The following BBS9 variants were observed in gnomAD, a reference collection of about 807,000 sequenced individuals.
BBS9 encodes the protein protein PTHB1.
BBS9 carries 89 observed loss-of-function variants against 117.7 expected under a neutral mutation model. The observed-to-expected ratio is 0.76, with a 90% CI of 0.64 to 0.90. BBS9 has a LOEUF of 0.90. Ranked by LOEUF, BBS9 falls within the 40% of genes least tolerant of loss-of-function variation. BBS9 has a pLI of 0.00. For missense variants in BBS9, 982 were observed against 1,042.2 expected, an observed-to-expected ratio of 0.94 and a Z score of 0.80; for synonymous variants, 379 against 370.9, an observed-to-expected ratio of 1.02 and a Z score of -0.25.
intron 4 of BBS9, among the ~76,000 whole-genome samples, chr7:33,164,425 T>C (rs1241423300): frequency 2.6e-5 from 4 of 152,198 alleles, no homozygotes; most frequent in Non-Finnish European, 1.5e-5. Context: ...ATGTTGACAG[T>C]GGGGTGTTAA....
intron 19 of BBS9, among the ~76,000 whole-genome samples, chr7:33,450,864 G>GTTTTTTTTT (rs144231724): frequency 7.1e-6 from 1 of 140,230 alleles, no homozygotes; most frequent in Non-Finnish European, 1.5e-5. Flanking sequence ...CTGTTCAGAA[G>GTTTTTTTTT]TTTTTTTTTT....
At chr7:33,470,664 AC>A (rs1458642892) in intron 19 of BBS9, among the ~76,000 whole-genome samples, 4 of 152,226 alleles carry the variant, frequency 2.6e-5, no homozygotes, top group African/African-American at 9.6e-5. Flanking sequence ...GGCAGAAAAT[AC>A]TTAGTGCCTG....
intron 19 of BBS9, among the ~76,000 whole-genome samples, chr7:33,421,491 A>T (rs1438766457): frequency 1.3e-5 from 2 of 152,190 alleles, no homozygotes; most frequent in Non-Finnish European, 2.9e-5. Flanking sequence ...AGAAATGTAT[A>T]AACCTCCATG....
Position 33,233,916 on chromosome 7 carries a change from G to A in BBS9, c.443-23320G>A, listed in dbSNP as rs182185045. 4.6e-5 allele frequency among the ~76,000 whole-genome samples: 7 copies of A among 152,212 alleles called. No individual in the cohort carries two copies. In the East Asian group the frequency reaches 1.4e-3, roughly 29 times the overall value. On this transcript the variant is annotated intron_variant, in intron 5 of 22. Coordinates refer to ENST00000242067, the MANE Select transcript of BBS9 (RefSeq NM_198428.3). ...TGGTTTGAGTTACCTGAGGTCAGCT[G>A]TAGCCCAGAAATATTAAATTGAAAA...
At chr7:33,553,455 A>G (rs1416637359) in intron 21 of BBS9, among the ~76,000 whole-genome samples, 2 of 151,774 alleles carry the variant, frequency 1.3e-5, no homozygotes, top group Admixed American at 6.6e-5. Context: ...TCTACTATAT[A>G]TTTTCTGCTG....
chr7:33,412,790 G>T (rs893887797), intron 19 of BBS9, among the ~76,000 whole-genome samples: 4 of 152,140 alleles, frequency 2.6e-5, no homozygotes, highest in Non-Finnish European at 5.9e-5. Flanking sequence ...TCCCAATTAG[G>T]TATACAGTTC....
Position 33,367,763 on chromosome 7 carries a change from G to C in BBS9, c.1694-4G>C. 6.2e-7 allele frequency: 1 copy of C among 1,613,454 alleles called. No individual in the cohort carries two copies. The highest frequency in any genetic ancestry group is 1.3e-5 in the African/African-American group (1 of 75,022). On this transcript the variant is annotated splice_region_variant and splice_polypyrimidine_tract_variant and intron_variant, in intron 16 of 22. Coordinates refer to ENST00000242067, the MANE Select transcript of BBS9 (RefSeq NM_198428.3). ...ATAAGGTGATTTCTCTCTTTTCTTT[G>C]TAGGTTTTGCCAGTCAGTCAGATGA...
chr7:33,337,586 C>T (rs1815644198), intron 10 of BBS9, among the ~76,000 whole-genome samples: 1 of 152,056 alleles, frequency 6.6e-6, no homozygotes. Context: ...TTTGGTTTCA[C>T]ACATTCTTTT....
chr7:33,415,107 T>A (rs1291957650), intron 19 of BBS9, among the ~76,000 whole-genome samples: 1 of 152,112 alleles, frequency 6.6e-6, no homozygotes, highest in Non-Finnish European at 1.5e-5. Flanking sequence ...GAAAAACCAA[T>A]GACCTTCATG....
chr7:33,290,044 CAAA>C (rs202030600), intron 9 of BBS9, among the ~76,000 whole-genome samples: 11 of 141,940 alleles, frequency 7.7e-5, no homozygotes, highest in Non-Finnish European at 7.7e-5. Context: ...GACTCTATCT[CAAA>C]AAAAAAAAAA....
chr7:33,455,616 C>G (rs2041419), intron 19 of BBS9, among the ~76,000 whole-genome samples: 97,193 of 152,020 alleles, frequency 0.64, 31,707 homozygotes, highest in African/African-American at 0.77. Context: ...TATCCCCGCA[C>G]CAATGATTAA....
intron 5 of BBS9, among the ~76,000 whole-genome samples, chr7:33,226,803 G>A (rs141881918): frequency 1.4e-3 from 206 of 152,274 alleles, no homozygotes; most frequent in African/African-American, 4.8e-3. Flanking sequence ...GACAAATATT[G>A]TATGATTCTT....
At position 33,472,555 on chromosome 7, in the gene BBS9, A is replaced by G. The variant is rs182386031; in HGVS notation, c.2116-32908A>G. ...GAGGGCATGATGGTAGATAACATGG[A>G]GGTTAGGTAGTGTTTATAGACAGGC... On this transcript the variant is annotated intron_variant, in intron 19 of 22. Coordinates refer to ENST00000242067, the MANE Select transcript of BBS9 (RefSeq NM_198428.3). 3.1e-3 allele frequency among the ~76,000 whole-genome samples: 478 copies of G among 152,272 alleles called. 2 individuals carry two copies. Among genetic ancestry groups the G allele is most frequent in the African/African-American group, 0.011 (466 of 41,556 alleles).
chr7:33,270,909 A>C (rs7793123), intron 7 of BBS9, among the ~76,000 whole-genome samples: 5 of 152,174 alleles, frequency 3.3e-5, no homozygotes, highest in Non-Finnish European at 7.3e-5. Flanking sequence ...ACACATAATC[A>C]TCAGATTCTA....
At chr7:33,398,852 A>G (rs902249279) in intron 19 of BBS9, among the ~76,000 whole-genome samples, 1 of 152,106 alleles carries the variant, frequency 6.6e-6, no homozygotes, top group Non-Finnish European at 1.5e-5. Context: ...AACCTGGCTA[A>G]TCTTTGTATC....
At chr7:33,426,509 C>A (rs1162220276) in intron 19 of BBS9, among the ~76,000 whole-genome samples, 1 of 152,080 alleles carries the variant, frequency 6.6e-6, no homozygotes, top group African/African-American at 2.4e-5. Flanking sequence ...TATAAACTCT[C>A]CCCAGATTTC....
chr7:33,608,666 T>C (rs530995593), downstream of BBS9, among the ~76,000 whole-genome samples: 1 of 151,838 alleles, frequency 6.6e-6, no homozygotes, highest in Admixed American at 6.6e-5. Flanking sequence ...TGTTGAATGC[T>C]TGCCTGTTCA....
chr7:33,164,922 A>C (rs1310978679), intron 4 of BBS9, among the ~76,000 whole-genome samples: 1 of 152,110 alleles, frequency 6.6e-6, no homozygotes, highest in Admixed American at 6.6e-5. Context: ...TCTTCCTAGC[A>C]TCGATGGTCT....
intron 19 of BBS9, among the ~76,000 whole-genome samples, chr7:33,408,567 T>C (rs1244066789): frequency 6.6e-6 from 1 of 152,216 alleles, no homozygotes; most frequent in Non-Finnish European, 1.5e-5. Flanking sequence ...GCTGTTCCTA[T>C]TCGGCCATCT....
Sources: allele counts gnomAD v4.1 joint callset (sites outside exome capture counted in the v4.1 genomes callset), GRCh38; gene constraint gnomAD v4.1.1; transcripts MANE v1.5; gene names NCBI Gene and HGNC (gene_info 2026-07-23, HGNC 2026-07-21).